METTL8: variants seen among roughly 807,000 people sequenced by gnomAD.
METTL8 encodes tRNA N(3)-cytidine methyltransferase METTL8, mitochondrial.
A neutral mutation model predicts 48.7 loss-of-function variants in METTL8; 32 were observed. The ratio of observed to expected loss-of-function variants is 0.66; its 90% CI spans 0.50 to 0.88. The LOEUF (loss-of-function observed/expected upper bound fraction) is 0.88, where lower values mean the gene tolerates loss of function less well. Among genes scored for constraint, METTL8 ranks in the 40% least tolerant of loss-of-function variants. The pLI, the probability that METTL8 is intolerant of heterozygous loss-of-function variation, is 0.00. For missense variants in METTL8, 464 were observed against 474.4 expected, an observed-to-expected ratio of 0.98 and a Z score of 0.20; for synonymous variants, 136 against 157.1, an observed-to-expected ratio of 0.87 and a Z score of 1.01.
At position 171,316,183 on chromosome 2, in the gene METTL8, G is replaced by A. The variant is rs1684255506; in HGVS notation, c.*7989C>T. ...TTGAGAAATGGAAAAGAAAATCTATGAGGAAAACGTCAGCTTGCTTATCCA... is the reference window on the plus strand; with the variant it reads ...TTGAGAAATGGAAAAGAAAATCTATAAGGAAAACGTCAGCTTGCTTATCCA... On this transcript the variant is annotated 3_prime_UTR_variant, in exon 10 of 10. Transcript: ENST00000375258. Among the ~76,000 whole-genome samples the A allele has an allele frequency of 6.6e-6, 1 of 152,234 alleles. No individual in the cohort carries two copies. The highest frequency in any genetic ancestry group is 1.5e-5 in the Non-Finnish European group (1 of 68,042).
intron 1 of METTL8, among the ~76,000 whole-genome samples, chr2:171,395,227 GA>G (rs1334456892): frequency 6.6e-5 from 10 of 152,076 alleles, no homozygotes; most frequent in Admixed American, 1.3e-4. Flanking sequence ...ATTTTTATTT[GA>G]AACAACACAA....
rs1684246102 is a variant in METTL8 at position 171,315,993 on chromosome 2, T to C, written c.*8179A>G. On this transcript the variant is annotated 3_prime_UTR_variant, in exon 10 of 10. Coordinates refer to ENST00000375258, the MANE Select transcript of METTL8 (RefSeq NM_001321154.2). ...GGAGTAGGGGTAAGCCCTGGGTGTG[T>C]TGTGTAGTGTGTGACGTAGTAGGTG... 6.6e-6 allele frequency among the ~76,000 whole-genome samples: 1 copy of C among 152,180 alleles called. No individual in the cohort carries two copies. Among genetic ancestry groups the C allele is most frequent in the South Asian group, 2.1e-4 (1 of 4,832 alleles).
intron 3 of METTL8, among the ~76,000 whole-genome samples, chr2:171,355,866 C>T (rs1490661408): frequency 6.6e-6 from 1 of 152,178 alleles, no homozygotes; most frequent in Non-Finnish European, 1.5e-5. Flanking sequence ...TGCCGTCTGT[C>T]ACCACTTCCT....
intron 2 of METTL8, among the ~76,000 whole-genome samples, chr2:171,376,142 C>A (rs59745257): frequency 0.039 from 5,880 of 152,250 alleles, 363 homozygotes; most frequent in African/African-American, 0.13. Context: ...GTTGAGTCAT[C>A]TCTTCCAACT....
rs1226723956 is a variant in METTL8, at chr2:171,330,599, T to C, written c.820A>G (p.Ile274Val). Reference sequence around the variant, plus strand: ...GAAGAGAGCACAAAGACAAGGAGAATGACATCCAGGATCCCATCTGGAAAA... The same window carrying C: ...GAAGAGAGCACAAAGACAAGGAGAACGACATCCAGGATCCCATCTGGAAAA... Reference protein sequence around the residue: ...YPFPDGILDVILLVFVLSSIH... With the variant: ...YPFPDGILDVVLLVFVLSSIH... The change falls in exon 7 of 10, where the codon ATT (isoleucine) becomes GTT (valine). Residue 274 changes from isoleucine (I) to valine (V), a missense_variant. By Grantham distance (29) the Ile-to-Val change is conservative. Transcript: ENST00000375258. The C allele has an allele frequency of 2.5e-6, 4 of 1,613,798 alleles. No individual in the cohort carries two copies. Among genetic ancestry groups the C allele is most frequent in the Non-Finnish European group, 3.4e-6 (4 of 1,179,914 alleles).
At chr2:171,360,687 AC>A (rs1042850517) in intron 2 of METTL8, among the ~76,000 whole-genome samples, 174 bp from the exon 3 acceptor site, 7 of 152,104 alleles carry the variant, frequency 4.6e-5, no homozygotes, top group African/African-American at 1.7e-4. Flanking sequence ...CGCTGGTACA[AC>A]CCTGGAACTC....
intron 2 of METTL8, among the ~76,000 whole-genome samples, chr2:171,373,264 C>G (rs566463664): frequency 6.6e-6 from 1 of 152,092 alleles, no homozygotes; most frequent in East Asian, 1.9e-4. Flanking sequence ...ATGTGTCTGT[C>G]GGCTGCATAA....
chr2:171,409,493 G>A (rs1458474440), intron 1 of METTL8, among the ~76,000 whole-genome samples: 1 of 152,012 alleles, frequency 6.6e-6, no homozygotes, highest in African/African-American at 2.4e-5. Context: ...TAAAATGAAA[G>A]TAACAATCAA....
At chr2:171,349,135 T>C (rs1347264505) in intron 3 of METTL8, among the ~76,000 whole-genome samples, 1 of 152,198 alleles carries the variant, frequency 6.6e-6, no homozygotes, top group African/African-American at 2.4e-5. Flanking sequence ...ACATACCAAT[T>C]AAATGACAAC....
intron 1 of METTL8, among the ~76,000 whole-genome samples, chr2:171,430,140 C>T (rs1244611389): frequency 6.6e-6 from 1 of 152,044 alleles, no homozygotes; most frequent in African/African-American, 2.4e-5. Context: ...GGCGGATCAT[C>T]TGAGGTCAGG....
Position 171,380,930 on chromosome 2 carries a change from C to G in METTL8, c.143+11113G>C, listed in dbSNP as rs562149972. On this transcript the variant is annotated intron_variant, in intron 2 of 9. Coordinates refer to ENST00000375258, the MANE Select transcript of METTL8 (RefSeq NM_001321154.2). Reference sequence around the variant, plus strand: ...TTTCATATGGAACTAAAAAAGAGCCCATATAGCTAAGACAATCCTAACCAA... The same window carrying G: ...TTTCATATGGAACTAAAAAAGAGCCGATATAGCTAAGACAATCCTAACCAA... Among the ~76,000 whole-genome samples, 6 of 152,246 alleles carry G rather than the reference C, an allele frequency of 3.9e-5. No homozygotes were observed. In the East Asian group the frequency reaches 1.2e-3, roughly 29 times the overall value.
chr2:171,338,343 G>A (rs1458861710), intron 4 of METTL8, among the ~76,000 whole-genome samples: 2 of 151,884 alleles, frequency 1.3e-5, no homozygotes, highest in Non-Finnish European at 2.9e-5. Flanking sequence ...AGTAATAAAA[G>A]AAGAAAAAGG....
chr2:171,385,741 A>T (rs548950046), intron 2 of METTL8, among the ~76,000 whole-genome samples: 1 of 152,316 alleles, frequency 6.6e-6, no homozygotes, highest in South Asian at 2.1e-4. Flanking sequence ...CTTGGCTGCT[A>T]GAGTAAGTGA....
intron 1 of METTL8, among the ~76,000 whole-genome samples, chr2:171,428,495 A>C (rs1692645811): frequency 6.9e-6 from 1 of 145,148 alleles, no homozygotes; most frequent in South Asian, 2.1e-4. Flanking sequence ...AATAAAGTTA[A>C]AAAAAAAAAA....
chr2:171,337,469 T>C lies in METTL8; in HGVS notation c.640A>G (p.Ile214Val). 6.2e-7 allele frequency: 1 copy of C among 1,605,394 alleles called. No individual in the cohort carries two copies. The highest frequency in any genetic ancestry group is 8.5e-7 in the Non-Finnish European group (1 of 1,175,704). Residue 214 changes from isoleucine to valine, a missense_variant, in exon 5 of 10, where the codon ATT becomes GTT. By Grantham distance (29) the Ile-to-Val change is conservative (BLOSUM62 3). Transcript: ENST00000375258. ...GCGAGNSVFPILNTLENSPES... is the reference protein window; with the variant it reads ...GCGAGNSVFPVLNTLENSPES... ...AAAACTCACTCCAAAGTGTTCAAAA[T>C]TGGAAACACACTATTTCCAGCTCCA...
chr2:171,330,580 A>G lies in METTL8; in HGVS notation c.839T>C (p.Leu280Pro). The G allele has an allele frequency of 1.9e-6, 3 of 1,613,932 alleles. No homozygotes were observed. Among genetic ancestry groups the G allele is most frequent in the South Asian group, 1.1e-5 (1 of 91,020 alleles). ...ILDVILLVFV[L>P]SSIHPDRMQG... is the part of the protein sequence containing the mutation. ...TTACCTGTCAGGATGAATAGAAGAGAGCACAAAGACAAGGAGAATGACATC... is the reference window on the plus strand; with the variant it reads ...TTACCTGTCAGGATGAATAGAAGAGGGCACAAAGACAAGGAGAATGACATC... The change falls in exon 7 of 10, where the codon CTC becomes CCC. Residue 280 changes from leucine (L) to proline (P), a missense_variant. Transcript: ENST00000375258.
chr2:171,334,380 T>G (rs554145484), intron 5 of METTL8, among the ~76,000 whole-genome samples: 8 of 152,252 alleles, frequency 5.3e-5, no homozygotes, highest in African/African-American at 1.9e-4. Flanking sequence ...TTCTGTAAAA[T>G]CAGCTGACTA....
intron 1 of METTL8, among the ~76,000 whole-genome samples, chr2:171,403,323 T>C (rs906552477): frequency 6.6e-6 from 1 of 152,154 alleles, no homozygotes; most frequent in African/African-American, 2.4e-5. Flanking sequence ...CTCTATGTTC[T>C]TCTTCCCCAA....
rs1684461477 is a variant in METTL8, at chr2:171,320,252, T to C, written c.*3920A>G. ...GGCAAGCAGAAGACACTGGTGGAAA[T>C]GGCCCTGCTGCGCAGCCATGTGGAA... On this transcript the variant is annotated 3_prime_UTR_variant, in exon 10 of 10. Coordinates refer to ENST00000375258, the MANE Select transcript of METTL8 (RefSeq NM_001321154.2). 1 of 151,572 alleles carries C rather than the reference T, an allele frequency of 6.6e-6. No homozygotes were observed. The highest frequency in any genetic ancestry group is 6.6e-5 in the Admixed American group (1 of 15,204). 9.4% of individuals were successfully genotyped at this position (151,572 alleles called of 1,614,324 possible). A position where few individuals can be genotyped will look rare whatever the true frequency, so the allele number is the denominator to read the frequency against.
Sources: gnomAD v4.1 joint callset for allele counts (sites outside exome capture counted in the v4.1 genomes callset) on GRCh38, gnomAD v4.1.1 for gene constraint, MANE v1.5 for transcripts, NCBI Gene and HGNC (gene_info 2026-07-23, HGNC 2026-07-21) for gene names.